Variants in RELN observed in about 807,000 individuals in gnomAD.
RELN encodes the protein reelin.
In RELN, 108 loss-of-function variants were observed where a neutral mutation model predicts 427.6. The observed-to-expected ratio is 0.25, with a 90% CI of 0.22 to 0.30. The LOEUF (loss-of-function observed/expected upper bound fraction) is 0.30, where lower values mean the gene tolerates loss of function less well. Among genes scored for constraint, RELN ranks in the 10% least tolerant of loss-of-function variants. The probability of loss-of-function intolerance (pLI) is 1.00; values close to 1 mark genes in which losing one functional copy is unlikely to be tolerated. For missense variants in RELN, 3,715 were observed against 4,302.8 expected, an observed-to-expected ratio of 0.86 and a Z score of 3.82; for synonymous variants, 1,524 against 1,513.4, an observed-to-expected ratio of 1.01 and a Z score of -0.16.
intron 2 of RELN, among the ~76,000 whole-genome samples, chr7:103,907,415 G>GAAAAAA (rs941182837): frequency 1.4e-4 from 6 of 44,076 alleles, no homozygotes; most frequent in Non-Finnish European, 2.5e-4. Flanking sequence ...CAAGGCTCTG[G>GAAAAAA]AAAAAAAAAA....
chr7:103,720,402 C>T (rs1421793635), intron 8 of RELN, among the ~76,000 whole-genome samples: 2 of 151,814 alleles, frequency 1.3e-5, no homozygotes, highest in Non-Finnish European at 2.9e-5. Context: ...TTATACATGC[C>T]CAATTATGAA....
chr7:103,739,781 G>A (rs1266053445), intron 6 of RELN, among the ~76,000 whole-genome samples: 1 of 152,186 alleles, frequency 6.6e-6, no homozygotes. Flanking sequence ...AGAGATCTAG[G>A]AGGCAAAGAG....
intron 1 of RELN, among the ~76,000 whole-genome samples, chr7:103,957,129 T>G (rs1796449260): frequency 2.0e-5 from 3 of 152,172 alleles, no homozygotes; most frequent in Admixed American, 2.0e-4. Flanking sequence ...CATCAAGCCA[T>G]TCTCATTGGA....
At chr7:103,585,675 A>T (rs1016334112) in intron 28 of RELN, among the ~76,000 whole-genome samples, 1 of 152,200 alleles carries the variant, frequency 6.6e-6, no homozygotes, top group Non-Finnish European at 1.5e-5. Context: ...GATTCCAAAA[A>T]TTGATGGGTA....
At chr7:103,529,204 C>T (rs1404839054) in intron 46 of RELN, among the ~76,000 whole-genome samples, 1 of 152,074 alleles carries the variant, frequency 6.6e-6, no homozygotes, top group East Asian at 1.9e-4. Flanking sequence ...CCATCTCTTT[C>T]CCCCATTCCT....
intron 2 of RELN, among the ~76,000 whole-genome samples, chr7:103,886,119 T>C (rs933017408): frequency 2.0e-5 from 3 of 152,164 alleles, no homozygotes; most frequent in African/African-American, 4.8e-5. Context: ...TTAGGATAGG[T>C]GATAGATGAT....
intron 2 of RELN, among the ~76,000 whole-genome samples, chr7:103,915,213 A>G (rs547712839): frequency 5.7e-4 from 86 of 152,152 alleles, no homozygotes; most frequent in Non-Finnish European, 5.1e-4. Context: ...ACCTTTAGTT[A>G]ATAATCTCTA....
chr7:103,741,516 T>C (rs935550036), intron 6 of RELN, among the ~76,000 whole-genome samples: 7 of 151,744 alleles, frequency 4.6e-5, no homozygotes, highest in African/African-American at 1.7e-4. Flanking sequence ...TTAGAAGGGA[T>C]AGTCTAATGT....
chr7:103,962,687 A>T (rs559745599), intron 1 of RELN, among the ~76,000 whole-genome samples: 1 of 148,494 alleles, frequency 6.7e-6, no homozygotes, highest in African/African-American at 2.6e-5. Context: ...TAGCTAATAT[A>T]TGTATTATGG....
At position 103,565,488 on chromosome 7, in the gene RELN, T is replaced by G; in HGVS notation, c.5000A>C (p.Glu1667Ala). The G allele has an allele frequency of 6.2e-7, 1 of 1,613,910 alleles. No individual in the cohort carries two copies. The highest frequency in any genetic ancestry group is 8.5e-7 in the Non-Finnish European group (1 of 1,179,940). The part of the protein sequence containing the change: ...HVSASTFLQF[E>A]MSMGCSKPFS... Reference sequence around the variant, plus strand: ...GGGCTTGCTACAGCCCATGCTCATTTCAAACTGCAAAAAGGTAGATGCTGA... The same window carrying G: ...GGGCTTGCTACAGCCCATGCTCATTGCAAACTGCAAAAAGGTAGATGCTGA... The change falls in exon 34 of 65, where the codon GAA becomes GCA. Residue 1667 changes from glutamate to alanine, a missense_variant. Glu to Ala is a moderately radical substitution (Grantham distance 107, BLOSUM62 -1). This residue lies in a region of RELN where 2,208 missense variants were observed against 2,361.7 expected (regional missense o/e 0.93). Coordinates refer to ENST00000428762, the MANE Select transcript of RELN (RefSeq NM_005045.4).
At chr7:103,969,299 T>C (rs1026010021) in intron 1 of RELN, among the ~76,000 whole-genome samples, 2 of 152,222 alleles carry the variant, frequency 1.3e-5, no homozygotes, top group East Asian at 1.9e-4. Flanking sequence ...TTGTATACAA[T>C]CTGCCTTTTT....
chr7:103,831,541 T>C (rs1793274148), intron 3 of RELN, among the ~76,000 whole-genome samples: 2 of 152,166 alleles, frequency 1.3e-5, no homozygotes, highest in Non-Finnish European at 2.9e-5. Context: ...TTGTTGTTGA[T>C]ACCTTGGCAA....
Position 103,772,635 on chromosome 7 carries a change from G to T in RELN, c.544+3922C>A, listed in dbSNP as rs116606089. ...GAGGGAGGGAGTGATACCCTAAGCAGGGTCTGACAGCCCGAGTTAGACAGA... is the reference window on the plus strand; with the variant it reads ...GAGGGAGGGAGTGATACCCTAAGCATGGTCTGACAGCCCGAGTTAGACAGA... On this transcript the variant is annotated intron_variant, in intron 4 of 64. Transcript: ENST00000428762. Among the ~76,000 whole-genome samples the T allele has an allele frequency of 2.6e-5, 4 of 152,296 alleles. No homozygotes were observed. The East Asian group carries it at 7.7e-4, about 29-fold the overall frequency.
At chr7:103,556,347 CT>C (rs1830519748) in intron 38 of RELN, among the ~76,000 whole-genome samples, 1 of 151,988 alleles carries the variant, frequency 6.6e-6, no homozygotes, top group Non-Finnish European at 1.5e-5. Context: ...TTTTAAAAAT[CT>C]TTAGCTCTGT....
intron 43 of RELN, among the ~76,000 whole-genome samples, chr7:103,541,832 AATG>A (rs1328608425): frequency 6.6e-6 from 1 of 152,230 alleles, no homozygotes; most frequent in African/African-American, 2.4e-5. Context: ...AAAGTGGGAT[AATG>A]ATAAAATATT....
chr7:103,915,188 C>T (rs1378443453), intron 2 of RELN, among the ~76,000 whole-genome samples: 1 of 152,112 alleles, frequency 6.6e-6, no homozygotes, highest in South Asian at 2.1e-4. Context: ...GTATGCTGTG[C>T]CCCACCATCC....
At chr7:103,812,987 G>A (rs1792779722) in intron 3 of RELN, among the ~76,000 whole-genome samples, 1 of 152,052 alleles carries the variant, frequency 6.6e-6, no homozygotes. Flanking sequence ...ACAATCTCCA[G>A]ATACCTTTTA....
At chr7:103,871,689 T>A (rs894168863) in intron 2 of RELN, among the ~76,000 whole-genome samples, 8 of 152,082 alleles carry the variant, frequency 5.3e-5, no homozygotes, top group African/African-American at 1.9e-4. Context: ...GTGGGAAATA[T>A]TTTTATTTTA....
chr7:103,890,357 T>G (rs1432900810), intron 2 of RELN, among the ~76,000 whole-genome samples: 1 of 152,106 alleles, frequency 6.6e-6, no homozygotes, highest in Non-Finnish European at 1.5e-5. Context: ...GGAGCAGTAG[T>G]GGTCCCTGGC....
Sources: allele counts gnomAD v4.1 joint callset (sites outside exome capture counted in the v4.1 genomes callset), GRCh38; gene constraint gnomAD v4.1.1; regional missense constraint gnomAD v4.1.1; transcripts MANE v1.5; gene names NCBI Gene and HGNC (gene_info 2026-07-23, HGNC 2026-07-21).